CSPP1: variants seen among roughly 807,000 people sequenced by gnomAD.
CSPP1 encodes centrosome and spindle pole-associated protein 1.
A neutral mutation model predicts 164.4 loss-of-function variants in CSPP1; 126 were observed. The observed-to-expected ratio is 0.77, with a 90% CI of 0.66 to 0.89. CSPP1 has a LOEUF of 0.89. Ranked by LOEUF, CSPP1 falls within the 40% of genes least tolerant of loss-of-function variation. The pLI, the probability that CSPP1 is intolerant of heterozygous loss-of-function variation, is 0.00. For synonymous variants in CSPP1, 472 were observed against 476.7 expected (o/e 0.99, Z 0.13); for missense variants, 1,395 against 1,449.8 (o/e 0.96, Z 0.61).
intron 15 of CSPP1, among the ~76,000 whole-genome samples, chr8:67,121,889 T>G (rs1246318874): frequency 1.3e-5 from 2 of 152,098 alleles, no homozygotes; most frequent in Admixed American, 6.6e-5. Flanking sequence ...TTAGTCTTGA[T>G]AGGTTTTTAT....
At chr8:67,161,248 A>G (rs1028251416) in intron 21 of CSPP1, among the ~76,000 whole-genome samples, 1 of 152,090 alleles carries the variant, frequency 6.6e-6, no homozygotes, top group Non-Finnish European at 1.5e-5. Context: ...TATGTGTACT[A>G]TGGCTTGTTT....
At chr8:67,189,965 G>A (rs75226065) in intron 28 of CSPP1, among the ~76,000 whole-genome samples, 3,584 of 152,302 alleles carry the variant, frequency 0.024, 56 homozygotes, top group Admixed American at 0.044. Context: ...CCAAGTGTTG[G>A]TGAGGATGTG....
rs147606666 is a variant in CSPP1 at position 67,103,732 on chromosome 8, C to T, written c.1022+597C>T. On this transcript the variant is annotated intron_variant, in intron 8 of 30. Coordinates refer to ENST00000678616, the MANE Select transcript of CSPP1 (RefSeq NM_001382391.1). ...GGTAATCCCTGTAATCCCAGCTACT[C>T]GGGAGGCTGAGGCAGGAGAATGGCG... is the stretch of plus-strand genomic sequence containing the variant. Among the ~76,000 whole-genome samples, 979 of 150,422 alleles carry T rather than the reference C, an allele frequency of 6.5e-3. 10 individuals carry two copies. The highest frequency in any genetic ancestry group is 0.02 in the African/African-American group (833 of 40,968).
chr8:67,064,371 G>A (rs774773936), upstream of CSPP1: 2 of 1,608,304 alleles, frequency 1.2e-6, no homozygotes, highest in Non-Finnish European at 1.7e-6. Context: ...TGGGCCTGAG[G>A]GGCGGAGCCC....
chr8:67,154,366 A>T (rs918671917), intron 19 of CSPP1, among the ~76,000 whole-genome samples: 1 of 151,944 alleles, frequency 6.6e-6, no homozygotes, highest in Non-Finnish European at 1.5e-5. Context: ...TTAAATAATT[A>T]ATTTTTTTTA....
chr8:67,140,558 T>G (rs1210639754), intron 17 of CSPP1, among the ~76,000 whole-genome samples: 1 of 152,262 alleles, frequency 6.6e-6, no homozygotes, highest in African/African-American at 2.4e-5. Context: ...AATAGGTAAG[T>G]GTTTACTTGA....
chr8:67,098,405 T>G (rs1011280814), intron 7 of CSPP1, among the ~76,000 whole-genome samples: 1 of 151,724 alleles, frequency 6.6e-6, no homozygotes, highest in Non-Finnish European at 1.5e-5. Flanking sequence ...ACGTTTACTT[T>G]TTTTTCATAT....
At chr8:67,141,533 A>G (rs946279232) in intron 17 of CSPP1, among the ~76,000 whole-genome samples, 5 of 151,992 alleles carry the variant, frequency 3.3e-5, no homozygotes, top group Admixed American at 1.3e-4. Flanking sequence ...CTTTATTTTT[A>G]TTTTTTGAGA....
intron 18 of CSPP1, among the ~76,000 whole-genome samples, chr8:67,153,720 CT>C (rs1563692043): frequency 6.6e-6 from 1 of 151,792 alleles, no homozygotes; most frequent in Non-Finnish European, 1.5e-5. Flanking sequence ...TTTATAAATT[CT>C]ATTTTAAAGC....
intron 9 of CSPP1, among the ~76,000 whole-genome samples, chr8:67,111,704 T>G (rs1209875207): frequency 6.6e-6 from 1 of 152,172 alleles, no homozygotes; most frequent in African/African-American, 2.4e-5. Flanking sequence ...GGGGTTGGGA[T>G]AAGAACATTC....
In CSPP1 at chr8:67,154,096, T is replaced by A. The variant is rs1384135323; in HGVS notation, c.2201T>A (p.Ile734Asn). 1.3e-6 allele frequency: 2 copies of A among 1,596,044 alleles called. No individual in the cohort carries two copies. The highest frequency in any genetic ancestry group is 1.7e-6 in the Non-Finnish European group (2 of 1,164,330). ...GGTGAGCCTCCAACTGAACTTCAGA[T>A]TAAACAGCAAGAATTATACAAGAAT... Reference protein sequence around the residue: ...VFGEPPTELQIKQQELYKNFL... With the variant: ...VFGEPPTELQNKQQELYKNFL... The change falls in exon 19 of 31, where the codon ATT becomes AAT. Residue 734 changes from isoleucine (I) to asparagine (N), a missense_variant. Physicochemically the swap from Ile to Asn is moderately radical, Grantham distance 149 (BLOSUM62 -3). Coordinates refer to ENST00000678616, the MANE Select transcript of CSPP1 (RefSeq NM_001382391.1).
In CSPP1 at chr8:67,171,418, TC is replaced by T. The variant is rs1007398396; in HGVS notation, c.2829-995del. 4.6e-5 allele frequency among the ~76,000 whole-genome samples: 7 copies of T among 151,890 alleles called. 1 individual carries two copies. Among genetic ancestry groups the T allele is most frequent in the Admixed American group, 3.9e-4 (6 of 15,260 alleles). ...CCACCTCAAAAAAAGAGACAGGGTC[TC>T]CCTCTGTTGTCCAGGCTGGAGTGCA... On this transcript the variant is annotated intron_variant, in intron 24 of 30. Coordinates refer to ENST00000678616, the MANE Select transcript of CSPP1 (RefSeq NM_001382391.1).
intron 7 of CSPP1, among the ~76,000 whole-genome samples, chr8:67,099,710 G>C (rs1586074686): frequency 6.6e-6 from 1 of 152,048 alleles, no homozygotes; most frequent in South Asian, 2.1e-4. Context: ...GACCATAAAA[G>C]CTGTTTTAAG....
chr8:67,123,991 C>G (rs1819554406), intron 15 of CSPP1, among the ~76,000 whole-genome samples: 1 of 150,824 alleles, frequency 6.6e-6, no homozygotes, highest in African/African-American at 2.4e-5. Context: ...GCCCCACCTT[C>G]TGGGTTCATG....
chr8:67,178,287 A>G (rs1832161269), intron 27 of CSPP1, among the ~76,000 whole-genome samples: 2 of 152,164 alleles, frequency 1.3e-5, no homozygotes, highest in Non-Finnish European at 2.9e-5. Context: ...AAGCAAAGGA[A>G]GGGAACAGAG....
At chr8:67,182,129 A>G (rs1463842471) in intron 28 of CSPP1, among the ~76,000 whole-genome samples, 2 of 152,068 alleles carry the variant, frequency 1.3e-5, no homozygotes, top group African/African-American at 4.8e-5. Context: ...CAGCCTCCCA[A>G]GTAGCTGAGA....
chr8:67,068,126 G>C (rs748359685), intron 1 of CSPP1, among the ~76,000 whole-genome samples: 11 of 152,196 alleles, frequency 7.2e-5, no homozygotes, highest in Admixed American at 2.0e-4. Context: ...TGGGATTACA[G>C]GCATGGGCCA....
chr8:67,189,365 G>A (rs1021236296), intron 28 of CSPP1, among the ~76,000 whole-genome samples: 1 of 152,184 alleles, frequency 6.6e-6, no homozygotes, highest in Non-Finnish European at 1.5e-5. Flanking sequence ...AAGCAGCCAA[G>A]ATGTCTTTCA....
rs1822584045 is a variant in CSPP1 at position 67,137,485 on chromosome 8, A to G, written c.1857A>G (p.Lys619=). ...GGGAAAGAGAAGAAAGAAGGAAGAA[A>G]GAACGTGAAGAAAAAGAAGAATATG... ...QIREREERRK[K]EREEKEEYEA... is the part of the protein sequence containing the mutation. The change falls in exon 17 of 31, where the codon AAA becomes AAG. Residue 619 remains lysine (K), a synonymous_variant. Coordinates refer to ENST00000678616, the MANE Select transcript of CSPP1 (RefSeq NM_001382391.1). 4.5e-6 allele frequency: 7 copies of G among 1,540,774 alleles called. No individual in the cohort carries two copies. Among genetic ancestry groups the G allele is most frequent in the Non-Finnish European group, 6.2e-6 (7 of 1,129,118 alleles).
Sources: allele counts gnomAD v4.1 joint callset (sites outside exome capture counted in the v4.1 genomes callset), GRCh38; gene constraint gnomAD v4.1.1; transcripts MANE v1.5; gene names NCBI Gene and HGNC (gene_info 2026-07-23, HGNC 2026-07-21).